Variants in SPOP observed in about 807,000 individuals in gnomAD.
SPOP encodes the protein speckle type BTB/POZ protein.
In SPOP, 11 loss-of-function variants were observed where a neutral mutation model predicts 45.6. The ratio of observed to expected loss-of-function variants is 0.24; its 90% CI spans 0.15 to 0.40. The LOEUF (loss-of-function observed/expected upper bound fraction) is 0.40, where lower values mean the gene tolerates loss of function less well. Ranked by LOEUF, SPOP falls within the 10% of genes least tolerant of loss-of-function variation. The pLI is 1.00. For missense variants in SPOP, 152 were observed against 465.6 expected (o/e 0.33, Z 6.20); for synonymous variants, 166 against 166.3 (o/e 1.00, Z 0.01).
At chr17:49,603,103 A>T (rs2071769805) in intron 8 of SPOP, among the ~76,000 whole-genome samples, 1 of 152,200 alleles carries the variant, frequency 6.6e-6, no homozygotes, top group Admixed American at 6.5e-5. Flanking sequence ...CATGGCAATC[A>T]AATCAGGACA....
chr17:49,667,230 T>C (rs2073073215), intron 1 of SPOP, among the ~76,000 whole-genome samples: 1 of 145,326 alleles, frequency 6.9e-6, no homozygotes, highest in Non-Finnish European at 1.5e-5. Flanking sequence ...ATGGCTACTA[T>C]TACAAAAAAA....
Position 49,671,213 on chromosome 17 carries a change from C to T in SPOP, c.-67+6720G>A, listed in dbSNP as rs144048583. On this transcript the variant is annotated intron_variant, in intron 1 of 9. Transcript: ENST00000504102. ...ACAGAAGCGAGTCAAACACTAGGTACATCAAGTTAAAATTAAAGCACCTTT... is the reference window on the plus strand; with the variant it reads ...ACAGAAGCGAGTCAAACACTAGGTATATCAAGTTAAAATTAAAGCACCTTT... Among the ~76,000 whole-genome samples, 621 of 152,062 alleles carry T rather than the reference C, an allele frequency of 4.1e-3. 6 individuals are homozygous for T. Among genetic ancestry groups the T allele is most frequent in the African/African-American group, 0.014 (585 of 41,468 alleles).
intron 1 of SPOP, among the ~76,000 whole-genome samples, chr17:49,673,243 C>T (rs2073158814): frequency 1.3e-5 from 2 of 152,232 alleles, no homozygotes; most frequent in African/African-American, 4.8e-5. Context: ...CGGTGGCTCA[C>T]GCCTGTAATC....
At chr17:49,626,572 G>A (rs1017273783) in intron 1 of SPOP, among the ~76,000 whole-genome samples, 6 of 152,034 alleles carry the variant, frequency 3.9e-5, no homozygotes, top group Non-Finnish European at 7.4e-5. Context: ...ATGCGTGCCT[G>A]TAATCCCAGC....
chr17:49,610,792 C>T (rs1340075904), intron 6 of SPOP, among the ~76,000 whole-genome samples: 1 of 152,138 alleles, frequency 6.6e-6, no homozygotes, highest in African/African-American at 2.4e-5. Flanking sequence ...TCTTGAAAAC[C>T]ATGGGCCTAT....
At chr17:49,672,328 C>A (rs925694340) in intron 1 of SPOP, among the ~76,000 whole-genome samples, 2 of 152,038 alleles carry the variant, frequency 1.3e-5, no homozygotes, top group African/African-American at 2.4e-5. Context: ...CAGTACAATG[C>A]CAAAGTAGCA....
chr17:49,677,390 C>T (rs530922100), intron 1 of SPOP, among the ~76,000 whole-genome samples: 1 of 152,334 alleles, frequency 6.6e-6, no homozygotes, highest in African/African-American at 2.4e-5. Context: ...TAGGGCAACA[C>T]CAGATGAGAA....
chr17:49,647,608 G>A (rs2072782140), intron 1 of SPOP, among the ~76,000 whole-genome samples: 1 of 151,992 alleles, frequency 6.6e-6, no homozygotes, highest in African/African-American at 2.4e-5. Flanking sequence ...AGCCTCCCGA[G>A]TAGCTGGGAT....
At chr17:49,665,246 TTTTTC>T (rs1484343670) in intron 1 of SPOP, among the ~76,000 whole-genome samples, 1 of 152,118 alleles carries the variant, frequency 6.6e-6, no homozygotes, top group African/African-American at 2.4e-5. Context: ...GAAGGTGTAA[TTTTTC>T]TTTTCTTTAG....
chr17:49,677,773 G>C (rs1191212836), intron 1 of SPOP, among the ~76,000 whole-genome samples, 160 bp downstream of exon 1: 7 of 149,796 alleles, frequency 4.7e-5, no homozygotes, highest in Non-Finnish European at 1.0e-4. Flanking sequence ...TCTGGCATTC[G>C]CAGGCCACGT....
intron 8 of SPOP, among the ~76,000 whole-genome samples, chr17:49,604,801 T>G (rs541381998): frequency 3.9e-5 from 6 of 152,332 alleles, no homozygotes; most frequent in Non-Finnish European, 8.8e-5. Context: ...CATTGAGTTC[T>G]CTCTCTGATG....
Position 49,599,885 on chromosome 17 carries a change from G to C in SPOP, c.*493C>G, listed in dbSNP as rs1379107436. 5.3e-5 allele frequency: 12 copies of C among 224,414 alleles called. No individual in the cohort carries two copies. The Admixed American group carries it at 6.5e-4, about 12-fold the overall frequency. 13.9% of individuals were successfully genotyped at this position (224,414 alleles called of 1,614,324 possible). A position where few individuals can be genotyped will look rare whatever the true frequency, so the allele number is the denominator to read the frequency against. On this transcript the variant is annotated 3_prime_UTR_variant, in exon 10 of 10. Coordinates refer to ENST00000504102, the MANE Select transcript of SPOP (RefSeq NM_001007228.2). Reference sequence around the variant, plus strand: ...TATCCAAGTTTTAGCACAGTTAGAAGGACTAAAATTTGTTTCTCTCAATAT... The same window carrying C: ...TATCCAAGTTTTAGCACAGTTAGAACGACTAAAATTTGTTTCTCTCAATAT...
chr17:49,630,741 T>C lies in SPOP; in HGVS notation c.-66-7865A>G, dbSNP rs1258822732. Among the ~76,000 whole-genome samples the C allele has an allele frequency of 2.0e-5, 3 of 152,218 alleles. No homozygotes were observed. In the East Asian group the frequency reaches 5.8e-4, roughly 29 times the overall value. ...CACTGGGAATATAGGCATGAACCACTGTGCCCAGCCTGTTTTCATTTTTTA... is the reference window on the plus strand; with the variant it reads ...CACTGGGAATATAGGCATGAACCACCGTGCCCAGCCTGTTTTCATTTTTTA... On this transcript the variant is annotated intron_variant, in intron 1 of 9. Coordinates refer to ENST00000504102, the MANE Select transcript of SPOP (RefSeq NM_001007228.2).
chr17:49,638,485 A>G (rs1464548173), intron 1 of SPOP, among the ~76,000 whole-genome samples: 3 of 152,106 alleles, frequency 2.0e-5, no homozygotes, highest in African/African-American at 7.2e-5. Flanking sequence ...GCTACTGGGG[A>G]GGCTGAGGCA....
At chr17:49,628,080 A>G (rs1175409248) in intron 1 of SPOP, among the ~76,000 whole-genome samples, 2 of 152,236 alleles carry the variant, frequency 1.3e-5, no homozygotes, top group Non-Finnish European at 2.9e-5. Context: ...GAGGAGACCT[A>G]CCTGAGGGTT....
At chr17:49,612,569 C>G (rs1417338878) in intron 5 of SPOP, among the ~76,000 whole-genome samples, 2 of 152,202 alleles carry the variant, frequency 1.3e-5, no homozygotes, top group Non-Finnish European at 2.9e-5. Context: ...ACCAAGTTAA[C>G]TTCTAGGTGA....
intron 1 of SPOP, among the ~76,000 whole-genome samples, chr17:49,655,695 A>G (rs867650227): frequency 5.9e-5 from 9 of 152,306 alleles, no homozygotes; most frequent in Middle Eastern, 3.4e-3. Context: ...TCAGCATGAG[A>G]TAAATGTTGA....
Position 49,600,274 on chromosome 17 carries a change from C to T in SPOP, c.*104G>A, listed in dbSNP as rs1277074514. 1 of 1,481,824 alleles carries T rather than the reference C, an allele frequency of 6.7e-7. No homozygotes were observed. The highest frequency in any genetic ancestry group is 9.3e-7 in the Non-Finnish European group (1 of 1,076,396). 91.8% of individuals were successfully genotyped at this position (1,481,824 alleles called of 1,614,324 possible). On this transcript the variant is annotated 3_prime_UTR_variant, in exon 10 of 10. Transcript: ENST00000504102. This position sits in a 1 kb window ranked among gnomAD's most constrained non-coding sequence, Gnocchi z 4.2. ...ACAATGCAGTCTCTTCCCCTCACAACAGAGTAAAAGCTCCACAGATTGCGC... is the reference window on the plus strand; with the variant it reads ...ACAATGCAGTCTCTTCCCCTCACAATAGAGTAAAAGCTCCACAGATTGCGC...
At chr17:49,663,611 T>C (rs2073016454) in intron 1 of SPOP, among the ~76,000 whole-genome samples, 1 of 152,330 alleles carries the variant, frequency 6.6e-6, no homozygotes, top group South Asian at 2.1e-4. Flanking sequence ...CTGGGAAGTA[T>C]GCATAAAGCA....
Sources: allele counts gnomAD v4.1 joint callset (sites outside exome capture counted in the v4.1 genomes callset), GRCh38; gene constraint gnomAD v4.1.1; non-coding constraint Gnocchi (gnomAD v3.1); transcripts MANE v1.5; gene names NCBI Gene and HGNC (gene_info 2026-07-23, HGNC 2026-07-21).